The following TMEM243 variants were observed in gnomAD, a reference collection of about 807,000 sequenced individuals.
TMEM243 encodes the protein transmembrane protein 243.
In TMEM243, 20 loss-of-function variants were observed where a neutral mutation model predicts 15.0. The ratio of observed to expected loss-of-function variants is 1.33; its 90% CI spans 0.94 to 1.93. The LOEUF (loss-of-function observed/expected upper bound fraction) is 1.93. TMEM243 is among the 30% of genes most tolerant of loss of function. The pLI is 0.00. For synonymous variants in TMEM243, 72 were observed against 52.7 expected, an observed-to-expected ratio of 1.37 and a Z score of -1.59; for missense variants, 156 against 142.1, an observed-to-expected ratio of 1.10 and a Z score of -0.50.
intron 1 of TMEM243, among the ~76,000 whole-genome samples, chr7:87,209,250 A>G (rs1264823089): frequency 6.6e-6 from 1 of 151,032 alleles, no homozygotes; most frequent in Non-Finnish European, 1.5e-5. Context: ...GAAACTTACA[A>G]TCATGGTGGA....
intron 1 of TMEM243, among the ~76,000 whole-genome samples, chr7:87,206,675 T>C (rs1176249826): frequency 6.6e-6 from 1 of 152,206 alleles, no homozygotes; most frequent in Non-Finnish European, 1.5e-5. Context: ...AGTTTAAAAC[T>C]TACAAATTAT....
chr7:87,219,556 T>C lies in TMEM243; in HGVS notation c.-53A>G. 1 of 1,527,122 alleles carries C rather than the reference T, an allele frequency of 6.5e-7. No homozygotes were observed. The highest frequency in any genetic ancestry group is 1.7e-4 in the Middle Eastern group (1 of 5,910). The allele number at this position is 1,527,122 out of a possible 1,614,324, so 94.6% of individuals were successfully genotyped here. A position where few individuals can be genotyped will look rare whatever the true frequency, so the allele number is the denominator to read the frequency against. On this transcript the variant is annotated 5_prime_UTR_variant, in exon 1 of 4. Transcript: ENST00000257637. The stretch of plus-strand genomic sequence containing the variant: ...CACTTAAAAGCAAGACAGCATGACC[T>C]CCCGAGGTCTCAGGTCCACGACTGC...
intron 1 of TMEM243, among the ~76,000 whole-genome samples, chr7:87,209,974 G>A (rs1470385522): frequency 8.7e-6 from 1 of 114,878 alleles, no homozygotes; most frequent in Non-Finnish European, 1.8e-5. Context: ...GGGGAGGGGG[G>A]ACAGAGAGAG....
chr7:87,219,242 A>G (rs1195595424), intron 1 of TMEM243, among the ~76,000 whole-genome samples, 184 bp downstream of exon 1: 4 of 152,174 alleles, frequency 2.6e-5, no homozygotes, highest in Admixed American at 6.5e-5. Flanking sequence ...CTCTTAGCCA[A>G]CCATGTCCCA....
intron 1 of TMEM243, among the ~76,000 whole-genome samples, chr7:87,201,635 T>C (rs2081088180): frequency 6.6e-6 from 1 of 152,222 alleles, no homozygotes; most frequent in Non-Finnish European, 1.5e-5. Flanking sequence ...TGGGGAATAA[T>C]ATGCTCCAAA....
chr7:87,214,449 T>C (rs1802968132), intron 1 of TMEM243, among the ~76,000 whole-genome samples: 1 of 152,208 alleles, frequency 6.6e-6, no homozygotes, highest in South Asian at 2.1e-4. Context: ...AGGCGATTCA[T>C]TGAACCATGT....
chr7:87,211,520 G>A (rs1454383822), intron 1 of TMEM243, among the ~76,000 whole-genome samples: 1 of 152,150 alleles, frequency 6.6e-6, no homozygotes. Context: ...ATAAATAAAA[G>A]TTTGATTCTC....
intron 1 of TMEM243, among the ~76,000 whole-genome samples, chr7:87,205,341 A>ATTT (rs555923491): frequency 1.2e-4 from 17 of 142,406 alleles, no homozygotes; most frequent in African/African-American, 4.1e-4. Context: ...TCTCCTCAGG[A>ATTT]TTTTTTTTTT....
intron 1 of TMEM243, among the ~76,000 whole-genome samples, chr7:87,217,475 T>C (rs1803193077): frequency 6.6e-6 from 1 of 152,186 alleles, no homozygotes; most frequent in African/African-American, 2.4e-5. Flanking sequence ...CAAATCTTCA[T>C]TTGCTGTGAA....
At chr7:87,202,070 T>G (rs909578579) in intron 1 of TMEM243, among the ~76,000 whole-genome samples, 4 of 152,208 alleles carry the variant, frequency 2.6e-5, no homozygotes, top group Non-Finnish European at 4.4e-5. Context: ...TATATATAGT[T>G]GAGATTTCAC....
chr7:87,198,223 ACTT>A (rs1009619832), intron 2 of TMEM243, 178 bp from the exon 3 acceptor site: 12 of 510,578 alleles, frequency 2.4e-5, no homozygotes, highest in African/African-American at 9.9e-5. Context: ...TTATTTTAGT[ACTT>A]CTTTTCTAAA....
intron 1 of TMEM243, among the ~76,000 whole-genome samples, chr7:87,206,521 A>G (rs955166139): frequency 1.3e-5 from 2 of 152,192 alleles, no homozygotes; most frequent in African/African-American, 4.8e-5. Flanking sequence ...CAAACCCTAT[A>G]CATACTGTTT....
At position 87,209,746 on chromosome 7, in the gene TMEM243, GAC is replaced by G. The variant is rs1158608381; in HGVS notation, c.78+9678_78+9679del. 1.0e-3 allele frequency among the ~76,000 whole-genome samples: 146 copies of G among 143,908 alleles called. 1 individual carries two copies. Among genetic ancestry groups the G allele is most frequent in the African/African-American group, 3.1e-3 (118 of 37,950 alleles). 94.4% of individuals were successfully genotyped at this position (143,908 alleles called of 152,430 possible). A position where few individuals can be genotyped will look rare whatever the true frequency, so the allele number is the denominator to read the frequency against. ...TGAGAGCGAGACACAGTGAGAGCGAGACACAGAGCGAGACAGTGAGAGCGAGA... is the reference window on the plus strand; with the variant it reads ...TGAGAGCGAGACACAGTGAGAGCGAGACAGAGCGAGACAGTGAGAGCGAGA... On this transcript the variant is annotated intron_variant, in intron 1 of 3. Coordinates refer to ENST00000257637, the MANE Select transcript of TMEM243 (RefSeq NM_024315.4).
At chr7:87,203,654 G>A (rs746473531) in intron 1 of TMEM243, among the ~76,000 whole-genome samples, 3 of 149,984 alleles carry the variant, frequency 2.0e-5, no homozygotes, top group Non-Finnish European at 4.4e-5. Flanking sequence ...TCATTTAAAC[G>A]CAAATGTTTG....
chr7:87,202,067 A>T (rs1177795817), intron 1 of TMEM243, among the ~76,000 whole-genome samples: 2 of 152,220 alleles, frequency 1.3e-5, no homozygotes, highest in African/African-American at 4.8e-5. Flanking sequence ...GTATATATAT[A>T]GTTGAGATTT....
Position 87,196,657 on chromosome 7 carries a change from G to T in TMEM243, c.336C>A (p.Tyr112Ter). The T allele has an allele frequency of 1.2e-6, 2 of 1,609,002 alleles. No homozygotes were observed. Among genetic ancestry groups the T allele is most frequent in the Non-Finnish European group, 1.7e-6 (2 of 1,177,830 alleles). The stretch of plus-strand genomic sequence containing the variant: ...AGCCTCACCTTCCCACATCATGGAA[G>T]TACAGGTTTGCACATATACACAACA... ...IIMLCICANL[Y>*]FHDVGR Residue 112 changes from tyrosine to a stop codon, truncating the protein, a stop_gained, in exon 4 of 4, where the codon TAC (tyrosine) becomes TAA (stop). Transcript: ENST00000257637. LOFTEE classifies it high-confidence loss of function.
At chr7:87,209,868 AAGAGACAGTGAGAGCGTG>A (rs1338444864) in intron 1 of TMEM243, among the ~76,000 whole-genome samples, 5 of 130,228 alleles carry the variant, frequency 3.8e-5, no homozygotes, top group Non-Finnish European at 8.1e-5. Flanking sequence ...GAGAGAGAGC[AAGAGACAGTGAGAGCGTG>A]AGAGACAGTG....
intron 2 of TMEM243, 32 bp downstream of exon 2, chr7:87,198,975 G>C (rs753042961): frequency 5.3e-5 from 83 of 1,567,846 alleles, no homozygotes; most frequent in Non-Finnish European, 6.3e-5. Flanking sequence ...CTGGCTAAGA[G>C]CCTGGGTGAG....
Position 87,219,555 on chromosome 7 carries a change from C to A in TMEM243, c.-52G>T, listed in dbSNP as rs769274540. The A allele has an allele frequency of 3.3e-6, 5 of 1,525,956 alleles. No homozygotes were observed. The highest frequency in any genetic ancestry group is 4.5e-6 in the Non-Finnish European group (5 of 1,102,462). 94.5% of individuals were successfully genotyped at this position (1,525,956 alleles called of 1,614,324 possible). The stretch of plus-strand genomic sequence containing the variant: ...CCACTTAAAAGCAAGACAGCATGAC[C>A]TCCCGAGGTCTCAGGTCCACGACTG... On this transcript the variant is annotated 5_prime_UTR_variant, in exon 1 of 4. It adds an upstream start codon to the 5' untranslated region. Transcript: ENST00000257637.
Sources: gnomAD v4.1 joint callset for allele counts (sites outside exome capture counted in the v4.1 genomes callset) on GRCh38, gnomAD v4.1.1 for gene constraint, MANE v1.5 for transcripts, NCBI Gene and HGNC (gene_info 2026-07-23, HGNC 2026-07-21) for gene names.